ANXA8: variants seen among roughly 807,000 people sequenced by gnomAD.
The protein encoded by ANXA8 is annexin A8.
ANXA8 carries 9 observed loss-of-function variants against 26.8 expected under a neutral mutation model. The observed-to-expected ratio is 0.34, with a 90% confidence interval of 0.20 to 0.59. The LOEUF (loss-of-function observed/expected upper bound fraction) is 0.59. Ranked by LOEUF, ANXA8 falls within the 20% of genes least tolerant of loss-of-function variation. ANXA8 has a pLI of 0.84. For missense variants in ANXA8, 83 were observed against 238.5 expected, an observed-to-expected ratio of 0.35 and a Z score of 4.29; for synonymous variants, 39 against 94.8, an observed-to-expected ratio of 0.41 and a Z score of 3.42.
the ANXA8 span, among the ~76,000 whole-genome samples, chr10:47,627,741 C>T: frequency 1.3e-5 from 2 of 149,888 alleles, no homozygotes; most frequent in African/African-American, 5.1e-5. Flanking sequence ...TTGAACTAAT[C>T]CTTTTGAAAA....
At chr10:47,708,675 AG>A in the ANXA8 span, among the ~76,000 whole-genome samples, 25 of 151,924 alleles carry the variant, frequency 1.6e-4, no homozygotes, top group Non-Finnish European at 2.6e-4. Context: ...TGAAAAGAAA[AG>A]ACTTCTGTTC....
the ANXA8 span, among the ~76,000 whole-genome samples, chr10:47,733,175 T>TTCTTTCTCTCTCTCTC: frequency 3.2e-5 from 3 of 93,270 alleles, no homozygotes; most frequent in African/African-American, 9.5e-5. Context: ...CTTTCTTTCT[T>TTCTTTCTCTCTCTCTC]TCTTTCTTTC....
At chr10:47,658,231 G>T in the ANXA8 span, among the ~76,000 whole-genome samples, 6 of 151,720 alleles carry the variant, frequency 4.0e-5, no homozygotes, top group Admixed American at 3.3e-4. Flanking sequence ...AGCTAGCCAT[G>T]GTGGCACGCA....
the ANXA8 span, among the ~76,000 whole-genome samples, chr10:47,683,330 G>T: frequency 6.8e-6 from 1 of 146,090 alleles, no homozygotes; most frequent in Non-Finnish European, 1.5e-5. Context: ...CCTGGTTCAC[G>T]CCATGCTCCT....
the ANXA8 span, among the ~76,000 whole-genome samples, chr10:47,685,515 G>A: frequency 1.3e-5 from 2 of 151,840 alleles, no homozygotes; most frequent in Admixed American, 6.6e-5. Flanking sequence ...AAGGCAAGTA[G>A]GGCTTTGAAT....
intron 11 of ANXA8, among the ~76,000 whole-genome samples, chr10:47,469,120 C>A (rs1361848240): frequency 6.7e-6 from 1 of 148,622 alleles, no homozygotes; most frequent in African/African-American, 2.5e-5. Flanking sequence ...CTCTTACCAA[C>A]TACATGCAGG....
the ANXA8 span, among the ~76,000 whole-genome samples, chr10:47,929,990 T>G: frequency 6.6e-6 from 1 of 152,312 alleles, no homozygotes. Flanking sequence ...CACCTGTGTC[T>G]GCAGATCATC....
intron 1 of ANXA8, among the ~76,000 whole-genome samples, chr10:47,483,172 A>T (rs1839898956): frequency 1.3e-5 from 2 of 151,360 alleles, no homozygotes; most frequent in African/African-American, 4.9e-5. Flanking sequence ...GGCTGCCCTG[A>T]GCCCCGGGTT....
the ANXA8 span, among the ~76,000 whole-genome samples, chr10:47,949,326 T>C: frequency 6.0e-5 from 9 of 149,462 alleles, no homozygotes; most frequent in African/African-American, 1.7e-4. Flanking sequence ...ATATCACCAC[T>C]GGATACTCCT....
At chr10:47,554,049 A>C in the ANXA8 span, among the ~76,000 whole-genome samples, 1 of 149,360 alleles carries the variant, frequency 6.7e-6, no homozygotes, top group Non-Finnish European at 1.5e-5. Context: ...AGGCAGGAGG[A>C]TTGCTTGAGC....
At chr10:47,682,135 T>C in the ANXA8 span, among the ~76,000 whole-genome samples, 72 of 145,054 alleles carry the variant, frequency 5.0e-4, no homozygotes, top group East Asian at 1.8e-3. Flanking sequence ...ATGTGTATCA[T>C]AGTTTTTAGA....
At chr10:47,572,844 T>C in the ANXA8 span, among the ~76,000 whole-genome samples, 1 of 151,606 alleles carries the variant, frequency 6.6e-6, no homozygotes, top group Non-Finnish European at 1.5e-5. Context: ...ATTGATACCT[T>C]GTGATTTTGT....
rs1350495028 is a variant in ANXA8, at chr10:47,474,298, C to A, written c.646+7G>T. The A allele has an allele frequency of 3.8e-6, 6 of 1,577,346 alleles. 2 individuals are homozygous for A. ...GGCCCCGGCCCCAGCCCCTCCCTCC[C>A]TGGTACCTCTCAGCAGGTGAGTGGC... On this transcript the variant is annotated splice_region_variant and intron_variant, in intron 8 of 11. Coordinates refer to ENST00000585281, the MANE Select transcript of ANXA8 (RefSeq NM_001040084.3).
At chr10:47,656,897 G>T in the ANXA8 span, among the ~76,000 whole-genome samples, 2,823 of 148,230 alleles carry the variant, frequency 0.019, 49 homozygotes, top group Non-Finnish European at 0.032. Flanking sequence ...TTTATAGAGA[G>T]ATTAGTCAGT....
At chr10:47,743,313 C>CATATATATATACACATAT in the ANXA8 span, among the ~76,000 whole-genome samples, 1 of 27,550 alleles carries the variant, frequency 3.6e-5, no homozygotes, top group Non-Finnish European at 8.3e-5. Context: ...TATATATATA[C>CATATATATATACACATAT]ACATATATAT....
chr10:47,694,197 G>C, the ANXA8 span, among the ~76,000 whole-genome samples: 4 of 151,434 alleles, frequency 2.6e-5, no homozygotes, highest in African/African-American at 9.7e-5. Context: ...TGATTTCTAT[G>C]AACTTTTTTT....
chr10:47,630,886 C>T, the ANXA8 span, among the ~76,000 whole-genome samples: 27 of 149,332 alleles, frequency 1.8e-4, 1 homozygote, highest in Non-Finnish European at 2.8e-4. Flanking sequence ...CTACCAGTGT[C>T]ACTGGACTGG....
chr10:47,734,829 G>C, the ANXA8 span, among the ~76,000 whole-genome samples: 1 of 129,250 alleles, frequency 7.7e-6, no homozygotes, highest in South Asian at 2.4e-4. Flanking sequence ...GACCAGCCTG[G>C]CCAACATGGT....
the ANXA8 span, among the ~76,000 whole-genome samples, chr10:47,775,334 C>T: frequency 1.3e-5 from 2 of 149,156 alleles, no homozygotes; most frequent in Non-Finnish European, 3.0e-5. Context: ...GATTGCGCCA[C>T]TGCACTCCAG....
Sources: allele counts gnomAD v4.1 joint callset (sites outside exome capture counted in the v4.1 genomes callset), GRCh38; gene constraint gnomAD v4.1.1; transcripts MANE v1.5; gene names NCBI Gene and HGNC (gene_info 2026-07-23, HGNC 2026-07-21).